CAMTA1: variants seen among roughly 807,000 people sequenced by gnomAD.
CAMTA1 encodes calmodulin-binding transcription activator 1.
CAMTA1 carries 27 observed loss-of-function variants against 170.9 expected under a neutral mutation model. That is an observed-to-expected ratio of 0.16 (90% CI 0.12 to 0.22). CAMTA1 has a LOEUF of 0.22. CAMTA1 is among the 10% of genes least tolerant of loss of function. The pLI, the probability that CAMTA1 is intolerant of heterozygous loss-of-function variation, is 1.00. For missense variants in CAMTA1, 1,619 were observed against 2,217.2 expected, an observed-to-expected ratio of 0.73 and a Z score of 5.42; for synonymous variants, 833 against 891.5, an observed-to-expected ratio of 0.93 and a Z score of 1.17.
intron 5 of CAMTA1, among the ~76,000 whole-genome samples, chr1:7,458,565 G>A (rs78320724): frequency 8.6e-5 from 13 of 152,022 alleles, no homozygotes; most frequent in South Asian, 8.3e-4. Context: ...GAGCCTTCCC[G>A]CCCCTGCCCA....
intron 5 of CAMTA1, among the ~76,000 whole-genome samples, chr1:7,428,057 A>ACACTGTGTCTCTGGGAAG (rs1393286754): frequency 1.3e-5 from 2 of 152,094 alleles, no homozygotes; most frequent in African/African-American, 2.4e-5. Context: ...TCCGTGGGAA[A>ACACTGTGTCTCTGGGAAG]CACTGTGTCT....
At chr1:7,005,280 C>T (rs1348887793) in intron 3 of CAMTA1, among the ~76,000 whole-genome samples, 1 of 152,190 alleles carries the variant, frequency 6.6e-6, no homozygotes, top group Non-Finnish European at 1.5e-5. Flanking sequence ...CAGACAGGCA[C>T]TCCATTTGCT....
At chr1:7,627,447 A>C (rs1045057392) in intron 6 of CAMTA1, among the ~76,000 whole-genome samples, 4 of 152,240 alleles carry the variant, frequency 2.6e-5, no homozygotes, top group Non-Finnish European at 5.9e-5. Context: ...GGTCAGTCAG[A>C]ATAATACCTG....
chr1:7,168,640 G>T (rs996819754), intron 4 of CAMTA1, among the ~76,000 whole-genome samples: 11 of 152,180 alleles, frequency 7.2e-5, no homozygotes, highest in African/African-American at 2.7e-4. Flanking sequence ...CTGACCTCAG[G>T]TGATCCACCC....
chr1:7,552,307 C>G (rs1192838528), intron 6 of CAMTA1, among the ~76,000 whole-genome samples: 1 of 152,238 alleles, frequency 6.6e-6, no homozygotes, highest in Non-Finnish European at 1.5e-5. Context: ...CCGGACCTCA[C>G]TCAGCCCCTG....
intron 5 of CAMTA1, among the ~76,000 whole-genome samples, chr1:7,429,735 T>A (rs1461951707): frequency 6.8e-6 from 1 of 146,202 alleles, no homozygotes; most frequent in Non-Finnish European, 1.5e-5. Context: ...ACTGGGTAAT[T>A]TATAAAGAAA....
intron 1 of CAMTA1, chr1:6,806,988 A>G: frequency 3.2e-6 from 2 of 616,040 alleles, no homozygotes; most frequent in Admixed American, 2.5e-5. Flanking sequence ...GCCAGGCACA[A>G]GGAAGGACAG....
At chr1:7,340,350 T>C (rs1301782867) in intron 5 of CAMTA1, among the ~76,000 whole-genome samples, 2 of 152,104 alleles carry the variant, frequency 1.3e-5, no homozygotes, top group African/African-American at 4.8e-5. Context: ...TACCCCCGAC[T>C]TATGCTTGTG....
At chr1:7,183,496 A>T (rs1652635844) in intron 4 of CAMTA1, among the ~76,000 whole-genome samples, 1 of 152,236 alleles carries the variant, frequency 6.6e-6, no homozygotes, top group African/African-American at 2.4e-5. Flanking sequence ...AAGTATGAAC[A>T]TCCCCACCCA....
intron 5 of CAMTA1, among the ~76,000 whole-genome samples, chr1:7,467,565 G>A (rs1035244245): frequency 3.3e-5 from 5 of 152,326 alleles, no homozygotes; most frequent in Admixed American, 2.6e-4. Context: ...GGCTGTCCTG[G>A]GTTCTCGACG....
chr1:7,034,071 A>G (rs906264380), intron 3 of CAMTA1, among the ~76,000 whole-genome samples: 14 of 152,078 alleles, frequency 9.2e-5, no homozygotes, highest in Non-Finnish European at 1.5e-5. Flanking sequence ...ACTCTCCCCT[A>G]TGCCCCATAT....
At chr1:7,120,227 C>T (rs138060693) in intron 4 of CAMTA1, among the ~76,000 whole-genome samples, 1,813 of 152,292 alleles carry the variant, frequency 0.012, 12 homozygotes, top group Non-Finnish European at 0.021. Context: ...GGTCAGGAAC[C>T]CAGGCCTGGC....
chr1:7,110,537 G>T (rs927120296), intron 4 of CAMTA1, among the ~76,000 whole-genome samples: 9 of 152,330 alleles, frequency 5.9e-5, no homozygotes, highest in African/African-American at 1.9e-4. Flanking sequence ...GAATTATTCA[G>T]CCCTGCTACG....
intron 11 of CAMTA1, among the ~76,000 whole-genome samples, chr1:7,709,241 C>G (rs774270689): frequency 1.3e-5 from 2 of 152,194 alleles, no homozygotes; most frequent in Non-Finnish European, 2.9e-5. Context: ...GCTGTATCTT[C>G]TACTATGCCT....
Position 7,092,863 on chromosome 1 carries a change from A to G in CAMTA1, c.302+1492A>G, listed in dbSNP as rs565398984. 6.6e-6 allele frequency among the ~76,000 whole-genome samples: 1 copy of G among 152,326 alleles called. No individual in the cohort carries two copies. The highest frequency in any genetic ancestry group is 2.4e-5 in the African/African-American group (1 of 41,574). ...GTTGGCGTCTCCCAGAGGAGGGCAG[A>G]GGCTTACAAGCCCAAGGCAGTTGAT... is the stretch of plus-strand genomic sequence containing the variant. On this transcript the variant is annotated intron_variant, in intron 4 of 22. Coordinates refer to ENST00000303635, the MANE Select transcript of CAMTA1 (RefSeq NM_015215.4). The surrounding 1 kb of genome is among the most constrained non-coding windows in gnomAD (Gnocchi z 5.0).
intron 3 of CAMTA1, among the ~76,000 whole-genome samples, chr1:6,880,411 A>G (rs1671236609): frequency 1.0e-5 from 1 of 95,840 alleles, no homozygotes; most frequent in South Asian, 3.4e-4. Context: ...TTTTTTTGAG[A>G]CAGGGTTTCA....
chr1:7,192,005 C>T (rs1226310636), intron 4 of CAMTA1, among the ~76,000 whole-genome samples: 1 of 151,462 alleles, frequency 6.6e-6, no homozygotes, highest in Admixed American at 6.5e-5. Flanking sequence ...TTCTTGAGAT[C>T]CTCTTCCATT....
chr1:7,264,804 C>T (rs890094371), intron 5 of CAMTA1, among the ~76,000 whole-genome samples: 21 of 152,202 alleles, frequency 1.4e-4, no homozygotes, highest in Non-Finnish European at 2.8e-4. Flanking sequence ...ATTTTCCTTT[C>T]CTGCACGGCC....
At position 7,251,185 on chromosome 1, in the gene CAMTA1, C is replaced by T. The variant is rs1488834121; in HGVS notation, c.438+1559C>T. The stretch of plus-strand genomic sequence containing the variant: ...GTAATACGTACATCAGGAACTTCTG[C>T]TCGTGAGTAACAGCCGGGTGGAATT... On this transcript the variant is annotated intron_variant, in intron 5 of 22. Coordinates refer to ENST00000303635, the MANE Select transcript of CAMTA1 (RefSeq NM_015215.4). The surrounding 1 kb of genome is among the most constrained non-coding windows in gnomAD (Gnocchi z 5.1). 6.6e-6 allele frequency among the ~76,000 whole-genome samples: 1 copy of T among 152,170 alleles called. No individual in the cohort carries two copies.
Sources: allele counts gnomAD v4.1 joint callset (sites outside exome capture counted in the v4.1 genomes callset), GRCh38; gene constraint gnomAD v4.1.1; non-coding constraint Gnocchi (gnomAD v3.1); transcripts MANE v1.5; gene names NCBI Gene and HGNC (gene_info 2026-07-23, HGNC 2026-07-21).